Variants in ENTPD1 observed in about 807,000 individuals in gnomAD.
The protein encoded by ENTPD1 is ATP diphosphohydrolase.
In ENTPD1, 33 loss-of-function variants were observed where a neutral mutation model predicts 57.0. That is an observed-to-expected ratio of 0.58 (90% CI 0.44 to 0.77). The LOEUF (loss-of-function observed/expected upper bound fraction) is 0.77. Ranked by LOEUF, ENTPD1 falls within the 30% of genes least tolerant of loss-of-function variation. ENTPD1 has a pLI of 0.00. For synonymous variants in ENTPD1, 202 were observed against 218.8 expected (o/e 0.92, Z 0.68); for missense variants, 501 against 603.4 (o/e 0.83, Z 1.78).
At chr10:95,718,267 G>A (rs1003633394) in intron 1 of ENTPD1, among the ~76,000 whole-genome samples, 1 of 152,126 alleles carries the variant, frequency 6.6e-6, no homozygotes, top group South Asian at 2.1e-4. Flanking sequence ...AGGAAACTAT[G>A]TCCTTGTGAG....
At chr10:95,709,755 G>GTTGTTTGTTTGT (rs10670966), upstream of ENTPD1, among the ~76,000 whole-genome samples, 1 of 150,930 alleles carries the variant, frequency 6.6e-6, no homozygotes, top group African/African-American at 2.4e-5. Flanking sequence ...GTTTTTTGTT[G>GTTGTTTGTTTGT]TTGTTTGTTT....
At chr10:95,770,175 G>A (rs540705206) in intron 1 of ENTPD1, among the ~76,000 whole-genome samples, 21 of 151,784 alleles carry the variant, frequency 1.4e-4, no homozygotes, top group African/African-American at 4.8e-4. Flanking sequence ...GGACTGAGCC[G>A]GATGCTCCAA....
intron 1 of ENTPD1, among the ~76,000 whole-genome samples, chr10:95,764,144 C>T (rs2098078864): frequency 6.6e-6 from 1 of 152,172 alleles, no homozygotes; most frequent in Non-Finnish European, 1.5e-5. Flanking sequence ...TTAATGGGCA[C>T]TCCCCATTTC....
At chr10:95,767,025 G>C (rs565780601) in intron 1 of ENTPD1, among the ~76,000 whole-genome samples, 1 of 151,806 alleles carries the variant, frequency 6.6e-6, no homozygotes, top group South Asian at 2.1e-4. Flanking sequence ...GGCTACAGGC[G>C]TGCACCACCA....
At chr10:95,787,004 GA>G (rs1228332998) in intron 1 of ENTPD1, among the ~76,000 whole-genome samples, 1 of 152,154 alleles carries the variant, frequency 6.6e-6, no homozygotes, top group African/African-American at 2.4e-5. Context: ...AAACAAGGTA[GA>G]AAAGGTGACT....
At chr10:95,836,374 G>C (rs544544302) in intron 2 of ENTPD1, among the ~76,000 whole-genome samples, 1 of 151,728 alleles carries the variant, frequency 6.6e-6, no homozygotes, top group Admixed American at 6.6e-5. Context: ...GCAATACGAC[G>C]CATTCAAAAA....
intron 1 of ENTPD1, among the ~76,000 whole-genome samples, chr10:95,731,629 T>C (rs2097989177): frequency 1.3e-5 from 2 of 152,168 alleles, no homozygotes; most frequent in South Asian, 4.2e-4. Context: ...ATTTCTCTCT[T>C]TCTGTTCCCC....
intron 2 of ENTPD1, chr10:95,839,435 C>A (rs1197904519): frequency 4.0e-6 from 2 of 496,078 alleles, no homozygotes; most frequent in African/African-American, 3.9e-5. Flanking sequence ...AGCTTCTAAA[C>A]AATACTGCTT....
At chr10:95,803,700 A>G (rs2098260279) in intron 1 of ENTPD1, among the ~76,000 whole-genome samples, 1 of 152,040 alleles carries the variant, frequency 6.6e-6, no homozygotes, top group African/African-American at 2.4e-5. Flanking sequence ...CAAACTTTTT[A>G]GTTTAATTAG....
intron 2 of ENTPD1, among the ~76,000 whole-genome samples, chr10:95,825,983 T>C (rs1337790117): frequency 6.6e-6 from 1 of 152,200 alleles, no homozygotes; most frequent in East Asian, 1.9e-4. Flanking sequence ...AATTATTTAT[T>C]ACACTCCAGT....
At chr10:95,777,164 G>A (rs956059136) in intron 1 of ENTPD1, among the ~76,000 whole-genome samples, 1 of 152,172 alleles carries the variant, frequency 6.6e-6, no homozygotes, top group East Asian at 1.9e-4. Flanking sequence ...ATCCAGCTTT[G>A]TTTCTTTGCT....
At chr10:95,773,125 C>T (rs147910727) in intron 1 of ENTPD1, among the ~76,000 whole-genome samples, 69 of 151,690 alleles carry the variant, frequency 4.5e-4, no homozygotes, top group Non-Finnish European at 7.4e-4. Context: ...CTCATGGGAA[C>T]GAATAGAGTA....
chr10:95,713,729 A>G (rs1315918808), intron 1 of ENTPD1, among the ~76,000 whole-genome samples: 4 of 152,260 alleles, frequency 2.6e-5, no homozygotes, highest in Non-Finnish European at 4.4e-5. Context: ...ATTGATGGAC[A>G]AATGTCCACA....
chr10:95,755,850 G>A (rs1160705094), upstream of ENTPD1: 1 of 1,506,118 alleles, frequency 6.6e-7, no homozygotes, highest in Non-Finnish European at 8.9e-7. Context: ...TTTTTCAAGG[G>A]AGAAAAAGGG....
chr10:95,747,433 A>T (rs1336859392), intron 1 of ENTPD1, among the ~76,000 whole-genome samples: 1 of 152,212 alleles, frequency 6.6e-6, no homozygotes, highest in Non-Finnish European at 1.5e-5. Flanking sequence ...ACCACCTCTC[A>T]TGAGTTTTAT....
chr10:95,738,787 A>G (rs1044721256), intron 1 of ENTPD1, among the ~76,000 whole-genome samples: 2 of 152,204 alleles, frequency 1.3e-5, no homozygotes, highest in African/African-American at 4.8e-5. Context: ...CCTATTTATT[A>G]AGCACATAGG....
chr10:95,795,350 C>G (rs1490886538), intron 1 of ENTPD1, among the ~76,000 whole-genome samples: 2 of 152,100 alleles, frequency 1.3e-5, no homozygotes, highest in Non-Finnish European at 2.9e-5. Context: ...GTGATGTTCA[C>G]TGAGCTGTGA....
chr10:95,809,925 G>C (rs996348652), intron 1 of ENTPD1, among the ~76,000 whole-genome samples: 5 of 148,306 alleles, frequency 3.4e-5, no homozygotes, highest in Non-Finnish European at 6.0e-5. Flanking sequence ...CTGCCGGGCA[G>C]AGGTGCTCCT....
rs2098202484 is a variant in ENTPD1, at chr10:95,791,239, T to C, written c.17-31998T>C. On this transcript the variant is annotated intron_variant, in intron 1 of 9. Transcript: ENST00000371205. This position sits in a 1 kb window ranked among gnomAD's most constrained non-coding sequence, Gnocchi z 4.1. The stretch of plus-strand genomic sequence containing the variant: ...GAAGGGCTATAATAACTTCACTGTA[T>C]CTGCTATATTCAGTTCAGAGCAATG... Among the ~76,000 whole-genome samples the C allele has an allele frequency of 6.6e-6, 1 of 152,200 alleles. No homozygotes were observed. Among genetic ancestry groups the C allele is most frequent in the Non-Finnish European group, 1.5e-5 (1 of 68,032 alleles).
Sources: allele counts gnomAD v4.1 joint callset (sites outside exome capture counted in the v4.1 genomes callset), GRCh38; gene constraint gnomAD v4.1.1; non-coding constraint Gnocchi (gnomAD v3.1); transcripts MANE v1.5; gene names NCBI Gene and HGNC (gene_info 2026-07-23, HGNC 2026-07-21).